C1GALT1: variants seen among roughly 807,000 people sequenced by gnomAD.
C1GALT1 encodes the protein core 1 synthase, glycoprotein-N-acetylgalactosamine 3-beta-galactosyltransferase 1.
In C1GALT1, 11 loss-of-function variants were observed where a neutral mutation model predicts 31.0. The observed-to-expected ratio is 0.36, with a 90% CI of 0.22 to 0.59. The LOEUF (loss-of-function observed/expected upper bound fraction) is 0.59, where lower values mean the gene tolerates loss of function less well. Among genes scored for constraint, C1GALT1 ranks in the 20% least tolerant of loss-of-function variants. The pLI is 0.79. For missense variants in C1GALT1, 424 were observed against 425.2 expected (o/e 1.00, Z 0.03); for synonymous variants, 175 against 143.6 (o/e 1.22, Z -1.56).
chr7:7,201,352 C>G (rs551523684), intron 1 of C1GALT1, among the ~76,000 whole-genome samples: 1 of 152,330 alleles, frequency 6.6e-6, no homozygotes, highest in African/African-American at 2.4e-5. Flanking sequence ...GCTACCCGAT[C>G]TTTCCTCTGG....
Position 7,247,267 on chromosome 7 carries a change from T to C in C1GALT1, c.*3540T>C, listed in dbSNP as rs965357304. On this transcript the variant is annotated 3_prime_UTR_variant, in exon 4 of 4. Transcript: ENST00000436587. Reference sequence around the variant, plus strand: ...TGATGATGATGTATTCACTATCTTTTAGATTAAGATCTTTGTTATTTGGTA... The same window carrying C: ...TGATGATGATGTATTCACTATCTTTCAGATTAAGATCTTTGTTATTTGGTA... 6 of 152,178 alleles carry C rather than the reference T, an allele frequency of 3.9e-5. No individual in the cohort carries two copies. Among genetic ancestry groups the C allele is most frequent in the South Asian group, 4.1e-4 (2 of 4,834 alleles). The allele number at this position is 152,178 out of a possible 1,614,324, so 9.4% of individuals were successfully genotyped here.
At chr7:7,160,137 T>C (rs1379874721) in intron 2 of C1GALT1, among the ~76,000 whole-genome samples, 1 of 152,274 alleles carries the variant, frequency 6.6e-6, no homozygotes, top group East Asian at 1.9e-4. Flanking sequence ...GTGTCCTTCT[T>C]GTCCCTAGTA....
chr7:7,217,145 A>G (rs1252149499), intron 1 of C1GALT1, among the ~76,000 whole-genome samples: 1 of 152,198 alleles, frequency 6.6e-6, no homozygotes, highest in African/African-American at 2.4e-5. Context: ...CACCAAAATG[A>G]TAATGGTTCT....
intron 1 of C1GALT1, among the ~76,000 whole-genome samples, chr7:7,203,261 C>G (rs1434761831): frequency 1.3e-5 from 2 of 152,096 alleles, no homozygotes; most frequent in Non-Finnish European, 2.9e-5. Context: ...GTGATGAAAT[C>G]AGGAATTCTT....
intron 2 of C1GALT1, among the ~76,000 whole-genome samples, chr7:7,168,176 A>G (rs1411213080): frequency 6.6e-6 from 1 of 152,172 alleles, no homozygotes; most frequent in Admixed American, 6.6e-5. Context: ...TATAGAAGTC[A>G]GGGGCATGAC....
rs1020991734 is a variant in C1GALT1 at position 7,247,537 on chromosome 7, A to G, written c.*3810A>G. The G allele has an allele frequency of 6.6e-6, 1 of 152,080 alleles. No homozygotes were observed. The highest frequency in any genetic ancestry group is 1.5e-5 in the Non-Finnish European group (1 of 67,942). The allele number at this position is 152,080 out of a possible 1,614,324, so 9.4% of individuals were successfully genotyped here. A position where few individuals can be genotyped will look rare whatever the true frequency, so the allele number is the denominator to read the frequency against. On this transcript the variant is annotated 3_prime_UTR_variant, in exon 4 of 4. Coordinates refer to ENST00000436587, the MANE Select transcript of C1GALT1 (RefSeq NM_020156.5). ...TGAGCAGTAAATTTGCTAACTGGTTATTTTCACAATTTTCTTGAATATTAA... is the reference window on the plus strand; with the variant it reads ...TGAGCAGTAAATTTGCTAACTGGTTGTTTTCACAATTTTCTTGAATATTAA...
At chr7:7,235,563 T>C (rs1034326885) in intron 2 of C1GALT1, among the ~76,000 whole-genome samples, 4 of 152,316 alleles carry the variant, frequency 2.6e-5, no homozygotes, top group Middle Eastern at 3.4e-3. Flanking sequence ...AGGTGATCAA[T>C]TGGAGGCAGA....
intron 1 of C1GALT1, among the ~76,000 whole-genome samples, chr7:7,185,093 GA>G (rs920790181): frequency 7.6e-4 from 115 of 151,818 alleles, no homozygotes; most frequent in African/African-American, 2.7e-3. Flanking sequence ...GGAAGAGGGA[GA>G]AAAAAAATAT....
At chr7:7,230,083 A>G (rs1583821882) in intron 1 of C1GALT1, among the ~76,000 whole-genome samples, 1 of 152,226 alleles carries the variant, frequency 6.6e-6, no homozygotes, top group South Asian at 2.1e-4. Flanking sequence ...AACTGGAATT[A>G]CAATTCAGGA....
At chr7:7,226,575 T>G (rs1056971322) in intron 1 of C1GALT1, among the ~76,000 whole-genome samples, 3 of 152,198 alleles carry the variant, frequency 2.0e-5, no homozygotes, top group Non-Finnish European at 4.4e-5. Flanking sequence ...GGCACCCATG[T>G]AAGAAGACCA....
rs184139354 is a variant in C1GALT1, at chr7:7,198,235, A to G, written c.-18+15415A>G. Among the ~76,000 whole-genome samples, 179 of 152,296 alleles carry G rather than the reference A, an allele frequency of 1.2e-3. 3 individuals are homozygous for G. Among genetic ancestry groups the G allele is most frequent in the African/African-American group, 3.9e-3 (161 of 41,564 alleles). On this transcript the variant is annotated intron_variant, in intron 1 of 3. Coordinates refer to ENST00000436587, the MANE Select transcript of C1GALT1 (RefSeq NM_020156.5). ...AATACCTAATTTATTGAGAGTTTTTAGCATGAAGGGCTGTTGAATTTTGTC... is the reference window on the plus strand; with the variant it reads ...AATACCTAATTTATTGAGAGTTTTTGGCATGAAGGGCTGTTGAATTTTGTC...
At chr7:7,158,018 G>C (rs1780292205) in intron 2 of C1GALT1, among the ~76,000 whole-genome samples, 2 of 152,154 alleles carry the variant, frequency 1.3e-5, no homozygotes, top group Admixed American at 6.6e-5. Flanking sequence ...TCAAGTTGCT[G>C]TTGCATTAAC....
chr7:7,240,381 G>C (rs1783570620), intron 3 of C1GALT1, among the ~76,000 whole-genome samples: 1 of 152,154 alleles, frequency 6.6e-6, no homozygotes, highest in South Asian at 2.1e-4. Flanking sequence ...TAGGTAATCA[G>C]CTTTAAAAGG....
intron 1 of C1GALT1, among the ~76,000 whole-genome samples, chr7:7,218,970 A>C (rs1167958308): frequency 6.6e-6 from 1 of 151,724 alleles, no homozygotes; most frequent in African/African-American, 2.4e-5. Context: ...AGTAGCTGGG[A>C]CTACAGGCGC....
intron 1 of C1GALT1, among the ~76,000 whole-genome samples, chr7:7,211,015 C>G (rs566268757): frequency 1.3e-5 from 2 of 152,290 alleles, no homozygotes; most frequent in Admixed American, 6.5e-5. Context: ...TTTTGGGCAA[C>G]AACTCCTTCT....
intron 1 of C1GALT1, among the ~76,000 whole-genome samples, chr7:7,187,616 A>G (rs1034880282): frequency 5.3e-5 from 8 of 152,158 alleles, no homozygotes; most frequent in Admixed American, 2.6e-4. Context: ...TAAATATCCT[A>G]CAGAGGACCG....
intron 1 of C1GALT1, among the ~76,000 whole-genome samples, chr7:7,230,319 T>C (rs1478558694): frequency 6.6e-6 from 1 of 152,190 alleles, no homozygotes; most frequent in Non-Finnish European, 1.5e-5. Context: ...GCTTAATGAA[T>C]GTCACAGAGA....
At chr7:7,209,164 A>G (rs974913493) in intron 1 of C1GALT1, among the ~76,000 whole-genome samples, 1 of 152,192 alleles carries the variant, frequency 6.6e-6, no homozygotes, top group Non-Finnish European at 1.5e-5. Context: ...TGTAGAGCCT[A>G]TACATTTATA....
chr7:7,196,141 G>T (rs542045690), intron 1 of C1GALT1, among the ~76,000 whole-genome samples: 4 of 152,080 alleles, frequency 2.6e-5, no homozygotes, highest in African/African-American at 9.7e-5. Flanking sequence ...GTATACATGT[G>T]TCATGTTGGT....
Sources: allele counts gnomAD v4.1 joint callset (sites outside exome capture counted in the v4.1 genomes callset), GRCh38; gene constraint gnomAD v4.1.1; transcripts MANE v1.5; gene names NCBI Gene and HGNC (gene_info 2026-07-23, HGNC 2026-07-21).